Variants in SHOX2 observed in about 807,000 individuals in gnomAD.
SHOX2 encodes the protein short stature homeobox protein 2.
A neutral mutation model predicts 31.3 loss-of-function variants in SHOX2; 13 were observed. The observed-to-expected ratio is 0.42, with a 90% confidence interval of 0.27 to 0.66. The LOEUF (loss-of-function observed/expected upper bound fraction) is 0.66. Ranked by LOEUF, SHOX2 falls within the 30% of genes least tolerant of loss-of-function variation. The pLI, the probability that SHOX2 is intolerant of heterozygous loss-of-function variation, is 0.27. For synonymous variants in SHOX2, 244 were observed against 196.2 expected (o/e 1.24, Z -2.04); for missense variants, 473 against 443.0 (o/e 1.07, Z -0.61).
intron 2 of SHOX2, among the ~76,000 whole-genome samples, chr3:158,102,293 CTT>C: frequency 6.6e-6 from 1 of 152,286 alleles, no homozygotes; most frequent in Non-Finnish European, 1.5e-5. Context: ...ACAAAATACT[CTT>C]TGGAACTTTT....
chr3:158,105,931 C>A lies in SHOX2; in HGVS notation c.94G>T (p.Gly32Trp). 6.2e-7 allele frequency: 1 copy of A among 1,607,774 alleles called. No individual in the cohort carries two copies. The highest frequency in any genetic ancestry group is 8.5e-7 in the Non-Finnish European group (1 of 1,177,446). ...AITYREVLES[G>W]PLRGAKEPTG... ...GGCTCCTTGGCCCCGCGCAGCGGCC[C>A]GCTCTCCAGCACCTCCCGGTACGTG... Residue 32 changes from glycine (G) to tryptophan (W), a missense_variant, in exon 1 of 5, where the codon GGG becomes TGG. Physicochemically the swap from Gly to Trp is radical, Grantham distance 184. Transcript: ENST00000483851.
intron 2 of SHOX2, among the ~76,000 whole-genome samples, chr3:158,100,899 A>G (rs1713450254): frequency 6.6e-6 from 1 of 152,234 alleles, no homozygotes; most frequent in Admixed American, 6.5e-5. Context: ...TTCTTTAGAA[A>G]AAGCCACTGT....
intron 1 of SHOX2, chr3:158,105,371 G>T: frequency 1.7e-6 from 1 of 591,040 alleles, no homozygotes; most frequent in South Asian, 2.0e-5. Context: ...GGGCCATCCG[G>T]GCTGCGGGCC....
Position 158,106,284 on chromosome 3 carries a change from AGG to A in SHOX2, c.-262_-261del. On this transcript the variant is annotated 5_prime_UTR_variant, in exon 1 of 5. Transcript: ENST00000483851. ...AGAGGGGGAGAAGGGTGAAGAGGAG[AGG>A]GAGGAGGAGGAGGAGAAGAGAAGGG... 1 of 424,612 alleles carries A rather than the reference AGG, an allele frequency of 2.4e-6. No homozygotes were observed. The highest frequency in any genetic ancestry group is 4.1e-6 in the Non-Finnish European group (1 of 242,902). 26.3% of individuals were successfully genotyped at this position (424,612 alleles called of 1,614,324 possible).
Position 158,096,453 on chromosome 3 carries a change from G to GTT in SHOX2, c.*1572_*1573dup, listed in dbSNP as rs796338763. On this transcript the variant is annotated 3_prime_UTR_variant, in exon 5 of 5. Transcript: ENST00000483851. ...AGAAACAAACAAACAAAAAAAAAAG[G>GTT]TTACTTGAATAGATACACCTTTGTG... 66 of 150,600 alleles carry GTT rather than the reference G, an allele frequency of 4.4e-4. No individual in the cohort carries two copies. The highest frequency in any genetic ancestry group is 1.5e-3 in the African/African-American group (63 of 41,096). 9.3% of individuals were successfully genotyped at this position (150,600 alleles called of 1,614,324 possible).
chr3:158,103,567 G>C (rs1043656297), intron 1 of SHOX2: 1 of 152,508 alleles, frequency 6.6e-6, no homozygotes, highest in African/African-American at 2.4e-5. Context: ...GGACAGCCAG[G>C]TAATCTCCGT....
In SHOX2 at chr3:158,097,873, G is replaced by A; in HGVS notation, c.*154C>T. 1 of 1,013,348 alleles carries A rather than the reference G, an allele frequency of 9.9e-7. No homozygotes were observed. The highest frequency in any genetic ancestry group is 1.4e-6 in the Non-Finnish European group (1 of 690,810). 62.8% of individuals were successfully genotyped at this position (1,013,348 alleles called of 1,614,324 possible). A position where few individuals can be genotyped will look rare whatever the true frequency, so the allele number is the denominator to read the frequency against. On this transcript the variant is annotated 3_prime_UTR_variant, in exon 5 of 5. Transcript: ENST00000483851. ...TCCTGCGTGGAGTCTGGCTTTCCGA[G>A]TCCAAGATGCGATAGGGGACGAGGG...
Position 158,097,779 on chromosome 3 carries a change from C to T in SHOX2, c.*248G>A. On this transcript the variant is annotated 3_prime_UTR_variant, in exon 5 of 5. Coordinates refer to ENST00000483851, the MANE Select transcript of SHOX2 (RefSeq NM_001163678.2). ...CCCCCAAACCCGCTCCTACAAAACCCAATTCTAGGCCCTCGAGTAGGAAAA... is the reference window on the plus strand; with the variant it reads ...CCCCCAAACCCGCTCCTACAAAACCTAATTCTAGGCCCTCGAGTAGGAAAA... 1.8e-6 allele frequency: 1 copy of T among 559,214 alleles called. No homozygotes were observed. Among genetic ancestry groups the T allele is most frequent in the South Asian group, 2.3e-5 (1 of 43,552 alleles). 34.6% of individuals were successfully genotyped at this position (559,214 alleles called of 1,614,324 possible).
Position 158,098,181 on chromosome 3 carries a change from G to A in SHOX2, c.806C>T (p.Pro269Leu). The A allele has an allele frequency of 6.2e-7, 1 of 1,613,700 alleles. No homozygotes were observed. ...HAPYMMFPAPPFGLPLATLAA... is the reference protein window; with the variant it reads ...HAPYMMFPAPLFGLPLATLAA... ...CAGCGTGGCGAGCGGCAGTCCGAAGGGCGGTGCTGGGAACATCATGTAGGG... is the reference window on the plus strand; with the variant it reads ...CAGCGTGGCGAGCGGCAGTCCGAAGAGCGGTGCTGGGAACATCATGTAGGG... The change falls in exon 5 of 5, where the codon CCC becomes CTC. Residue 269 changes from proline (P) to leucine (L), a missense_variant. Pro to Leu is a moderately conservative substitution (Grantham distance 98, BLOSUM62 -3). This residue lies in a region of SHOX2 where 182 missense variants were observed against 167.2 expected (regional missense o/e 1.09). Coordinates refer to ENST00000483851, the MANE Select transcript of SHOX2 (RefSeq NM_001163678.2).
chr3:158,105,980 T>C lies in SHOX2; in HGVS notation c.45A>G (p.Lys15=). 6.2e-7 allele frequency: 1 copy of C among 1,612,906 alleles called. No homozygotes were observed. Among genetic ancestry groups the C allele is most frequent in the Non-Finnish European group, 8.5e-7 (1 of 1,179,674 alleles). ...TAFVSKSFDQ[K]VKEKKEAITY... is the part of the protein sequence containing the mutation. Reference sequence around the variant, plus strand: ...TGATCGCCTCCTTCTTCTCCTTCACTTTCTGGTCAAAAGACTTGGAGACGA... The same window carrying C: ...TGATCGCCTCCTTCTTCTCCTTCACCTTCTGGTCAAAAGACTTGGAGACGA... Residue 15 remains lysine, a synonymous_variant, in exon 1 of 5, where the codon AAA becomes AAG. Coordinates refer to ENST00000483851, the MANE Select transcript of SHOX2 (RefSeq NM_001163678.2).
rs755118023 is a variant in SHOX2 at position 158,105,899 on chromosome 3, G to T, written c.126C>A (p.Gly42=). ...GPLRGAKEPT[G]CTEAGRDDRS... ...GGTCGTCGCGGCCCGCCTCGGTGCA[G>T]CCGGTCGGCTCCTTGGCCCCGCGCA... The change falls in exon 1 of 5, where the codon GGC becomes GGA. Residue 42 remains glycine (G), a synonymous_variant. Coordinates refer to ENST00000483851, the MANE Select transcript of SHOX2 (RefSeq NM_001163678.2). 6.3e-7 allele frequency: 1 copy of T among 1,585,946 alleles called. No individual in the cohort carries two copies. The highest frequency in any genetic ancestry group is 8.6e-7 in the Non-Finnish European group (1 of 1,167,944).
In SHOX2 at chr3:158,105,964, CCTT is replaced by C. The variant is rs752105157; in HGVS notation, c.58_60del (p.Lys20del). The C allele has an allele frequency of 1.4e-5, 23 of 1,612,916 alleles. No individual in the cohort carries two copies. The highest frequency in any genetic ancestry group is 5.0e-5 in the Admixed American group (3 of 59,996). ...AGCACCTCCCGGTACGTGATCGCCT[CCTT>C]CTTCTCCTTCACTTTCTGGTCAAAA... On this transcript the variant is annotated inframe_deletion, in exon 1 of 5. Coordinates refer to ENST00000483851, the MANE Select transcript of SHOX2 (RefSeq NM_001163678.2).
intron 4 of SHOX2, among the ~76,000 whole-genome samples, 192 bp from the exon 5 acceptor site, chr3:158,098,476 A>G (rs951629160): frequency 6.6e-6 from 1 of 152,192 alleles, no homozygotes; most frequent in African/African-American, 2.4e-5. Flanking sequence ...GGGGTTCCAC[A>G]TGGATACTCC....
At chr3:158,104,927 AAC>A in intron 1 of SHOX2, 1 of 653,390 alleles carries the variant, frequency 1.5e-6, no homozygotes, top group East Asian at 2.7e-5. Flanking sequence ...GACGTTTCCT[AAC>A]ACTGAGCTAG....
chr3:158,100,343 C>A, intron 2 of SHOX2, 32 bp from the exon 3 acceptor site: 1 of 1,543,390 alleles, frequency 6.5e-7, no homozygotes, highest in Non-Finnish European at 8.7e-7. Flanking sequence ...AAAATAAAAC[C>A]TAGATGTTAT....
At position 158,097,993 on chromosome 3, in the gene SHOX2, C is replaced by A; in HGVS notation, c.*34G>T. 2 of 1,557,710 alleles carry A rather than the reference C, an allele frequency of 1.3e-6. No homozygotes were observed. Among genetic ancestry groups the A allele is most frequent in the Non-Finnish European group, 1.7e-6 (2 of 1,150,920 alleles). ...CGGAGGGCGTGCAGGCTGAGTGCCG[C>A]GGGACAGGCGCGACATTGGTGCTGG... On this transcript the variant is annotated 3_prime_UTR_variant, in exon 5 of 5. Coordinates refer to ENST00000483851, the MANE Select transcript of SHOX2 (RefSeq NM_001163678.2).
rs1466365906 is a variant in SHOX2, at chr3:158,096,924, A to ATATATAT, written c.*1096_*1102dup. ...TATATATATATATATATATATATAT[A>ATATATAT]TATATATGGCAAATATATGATATAT... On this transcript the variant is annotated 3_prime_UTR_variant, in exon 5 of 5. Coordinates refer to ENST00000483851, the MANE Select transcript of SHOX2 (RefSeq NM_001163678.2). 1 of 126,244 alleles carries ATATATAT rather than the reference A, an allele frequency of 7.9e-6. No homozygotes were observed. Among genetic ancestry groups the ATATATAT allele is most frequent in the Non-Finnish European group, 1.7e-5 (1 of 60,604 alleles). 7.8% of individuals were successfully genotyped at this position (126,244 alleles called of 1,614,324 possible).
Position 158,103,178 on chromosome 3 carries a change from C to A in SHOX2, c.347-292G>T. The A allele has an allele frequency of 1.2e-5, 6 of 489,800 alleles. No homozygotes were observed. The South Asian group carries it at 1.2e-4, about 10-fold the overall frequency. The allele number at this position is 489,800 out of a possible 1,614,324, so 30.3% of individuals were successfully genotyped here. ...CTCGACTCACCGCCTCACTATTCACCCCCCAGTCACCGGCCTTCCCCAGCA... is the reference window on the plus strand; with the variant it reads ...CTCGACTCACCGCCTCACTATTCACACCCCAGTCACCGGCCTTCCCCAGCA... On this transcript the variant is annotated intron_variant, in intron 1 of 4. Coordinates refer to ENST00000483851, the MANE Select transcript of SHOX2 (RefSeq NM_001163678.2).
At chr3:158,105,021 CCTCCCCCGCCG>C in intron 1 of SHOX2, 1 of 459,844 alleles carries the variant, frequency 2.2e-6, no homozygotes, top group Non-Finnish European at 3.8e-6. Flanking sequence ...TAGATCCCCA[CCTCCCCCGCCG>C]CCCCCCCCCC....
Sources: allele counts gnomAD v4.1 joint callset (sites outside exome capture counted in the v4.1 genomes callset), GRCh38; gene constraint gnomAD v4.1.1; regional missense constraint gnomAD v4.1.1; transcripts MANE v1.5; gene names NCBI Gene and HGNC (gene_info 2026-07-23, HGNC 2026-07-21).